LRP1B: variants seen among roughly 807,000 people sequenced by gnomAD.
LRP1B encodes low-density lipoprotein receptor-related protein 1B.
A neutral mutation model predicts 556.6 loss-of-function variants in LRP1B; 217 were observed. The observed-to-expected ratio is 0.39, with a 90% CI of 0.35 to 0.44. LRP1B has a LOEUF of 0.44. LRP1B is among the 20% of genes least tolerant of loss of function. The pLI is 1.00. For missense variants in LRP1B, 5,053 were observed against 5,620.8 expected (o/e 0.90, Z 3.23); for synonymous variants, 2,047 against 1,865.8 (o/e 1.10, Z -2.50).
At chr2:142,024,012 A>G (rs1039157898) in intron 1 of LRP1B, among the ~76,000 whole-genome samples, 1 of 152,304 alleles carries the variant, frequency 6.6e-6, no homozygotes, top group African/African-American at 2.4e-5. Flanking sequence ...CCACACAATT[A>G]GTTGAATATT....
At chr2:140,328,506 ATAT>A (rs1680617536) in intron 79 of LRP1B, among the ~76,000 whole-genome samples, 1 of 151,962 alleles carries the variant, frequency 6.6e-6, no homozygotes, top group Non-Finnish European at 1.5e-5. Context: ...AGAAAACAAA[ATAT>A]TATGTGAAAT....
intron 2 of LRP1B, among the ~76,000 whole-genome samples, chr2:141,668,609 T>A (rs1379879398): frequency 1.3e-5 from 2 of 152,086 alleles, no homozygotes; most frequent in Non-Finnish European, 2.9e-5. Flanking sequence ...CACTCTATCC[T>A]CTTTCCAGCT....
chr2:140,469,198 G>C lies in LRP1B; in HGVS notation c.9625+5940C>G, dbSNP rs1404508247. ...CTAATACCCAGTATGACAGTACTAA[G>C]AGGCGGGCCTTTGGGAAGTGATTAA... On this transcript the variant is annotated intron_variant, in intron 60 of 90. Transcript: ENST00000389484. 5.3e-5 allele frequency among the ~76,000 whole-genome samples: 8 copies of C among 152,250 alleles called. No individual in the cohort carries two copies. The East Asian group carries it at 1.4e-3, about 26-fold the overall frequency.
In LRP1B at chr2:141,299,057, G is replaced by A. The variant is rs115995704; in HGVS notation, c.344-44416C>T. Among the ~76,000 whole-genome samples the A allele has an allele frequency of 9.5e-3, 1,442 of 151,884 alleles. 23 individuals carry two copies. Among genetic ancestry groups the A allele is most frequent in the African/African-American group, 0.034 (1,392 of 41,404 alleles). The stretch of plus-strand genomic sequence containing the variant: ...AGTCCATATAGTAAATTATTGACAT[G>A]GGAACTGCTTTGGAAAACTACCCCC... On this transcript the variant is annotated intron_variant, in intron 3 of 90. Coordinates refer to ENST00000389484, the MANE Select transcript of LRP1B (RefSeq NM_018557.3).
Position 141,570,673 on chromosome 2 carries a change from C to T in LRP1B, c.206-90140G>A, listed in dbSNP as rs558117870. Among the ~76,000 whole-genome samples, 11 of 151,324 alleles carry T rather than the reference C, an allele frequency of 7.3e-5. 1 individual carries two copies. Among genetic ancestry groups the T allele is most frequent in the Admixed American group, 1.3e-4 (2 of 15,196 alleles). On this transcript the variant is annotated intron_variant, in intron 2 of 90. Coordinates refer to ENST00000389484, the MANE Select transcript of LRP1B (RefSeq NM_018557.3). ...CTAAGCTCCCCGGTTGGGGGAAGGGCGGCATCCATCTCTATAGCTTCAGGC... is the reference window on the plus strand; with the variant it reads ...CTAAGCTCCCCGGTTGGGGGAAGGGTGGCATCCATCTCTATAGCTTCAGGC...
intron 2 of LRP1B, among the ~76,000 whole-genome samples, chr2:141,633,708 C>T (rs2105352646): frequency 6.6e-6 from 1 of 152,068 alleles, no homozygotes; most frequent in South Asian, 2.1e-4. Context: ...ACATCCATTT[C>T]CAGAACTTTT....
Position 141,666,649 on chromosome 2 carries a change from C to G in LRP1B, c.205+143630G>C, listed in dbSNP as rs544204293. ...CTGGTCTCAGGGAATGGTCCAGATACAAGTCTGTAACCCAACCAGATCCTT... is the reference window on the plus strand; with the variant it reads ...CTGGTCTCAGGGAATGGTCCAGATAGAAGTCTGTAACCCAACCAGATCCTT... On this transcript the variant is annotated intron_variant, in intron 2 of 90. Transcript: ENST00000389484. 2.0e-5 allele frequency among the ~76,000 whole-genome samples: 3 copies of G among 152,284 alleles called. No homozygotes were observed. In the East Asian group the frequency reaches 5.8e-4, roughly 29 times the overall value.
rs557426349 is a variant in LRP1B at position 140,452,082 on chromosome 2, C to T, written c.9964-1421G>A. Among the ~76,000 whole-genome samples, 10 of 152,160 alleles carry T rather than the reference C, an allele frequency of 6.6e-5. No homozygotes were observed. In the Middle Eastern group the frequency reaches 0.021, roughly 313 times the overall value. ...ATTTACTTACAGGCTATTTAGCACA[C>T]AAGTGACTTGATACTGGAGACAAAC... On this transcript the variant is annotated intron_variant, in intron 62 of 90. Transcript: ENST00000389484.
intron 7 of LRP1B, among the ~76,000 whole-genome samples, chr2:141,176,098 T>C (rs955903329): frequency 2.8e-4 from 42 of 152,112 alleles, no homozygotes; most frequent in African/African-American, 9.6e-4. Context: ...AACGAATTTG[T>C]TTTTATTTTA....
At chr2:140,551,422 CTGGG>C (rs1171497055) in intron 43 of LRP1B, among the ~76,000 whole-genome samples, 7 of 152,140 alleles carry the variant, frequency 4.6e-5, no homozygotes, top group Admixed American at 1.3e-4. Flanking sequence ...GCATGAAGTG[CTGGG>C]AAACTGAACA....
At chr2:141,323,013 T>C (rs1687300521) in intron 3 of LRP1B, among the ~76,000 whole-genome samples, 1 of 152,074 alleles carries the variant, frequency 6.6e-6, no homozygotes, top group Admixed American at 6.6e-5. Flanking sequence ...CAGCAAGTCA[T>C]AAAGAAGATT....
At chr2:141,482,095 G>T (rs186186629) in intron 2 of LRP1B, among the ~76,000 whole-genome samples, 284 of 152,126 alleles carry the variant, frequency 1.9e-3, no homozygotes, top group Non-Finnish European at 3.2e-3. Flanking sequence ...GCAAAATTGT[G>T]AGAATTGCAG....
intron 43 of LRP1B, among the ~76,000 whole-genome samples, chr2:140,547,271 A>G (rs1214748147): frequency 6.6e-6 from 1 of 152,034 alleles, no homozygotes; most frequent in Non-Finnish European, 1.5e-5. Flanking sequence ...TTGGCTGTGA[A>G]TCATCTGGTC....
Position 140,695,477 on chromosome 2 carries a change from TC to T in LRP1B, c.6799+4772del, listed in dbSNP as rs143246963. Among the ~76,000 whole-genome samples, 1,099 of 152,238 alleles carry T rather than the reference TC, an allele frequency of 7.2e-3. 13 individuals are homozygous for T. The highest frequency in any genetic ancestry group is 0.025 in the African/African-American group (1,031 of 41,536). Reference sequence around the variant, plus strand: ...TCCCCAGTCCTTGGATTAAGTAAATTCTTTTTAGATGCTGTCTCTCTGTAGC... The same window carrying T: ...TCCCCAGTCCTTGGATTAAGTAAATTTTTTTAGATGCTGTCTCTCTGTAGC... On this transcript the variant is annotated intron_variant, in intron 41 of 90. Coordinates refer to ENST00000389484, the MANE Select transcript of LRP1B (RefSeq NM_018557.3).
At chr2:141,827,017 G>C (rs986671953) in intron 1 of LRP1B, among the ~76,000 whole-genome samples, 2 of 152,198 alleles carry the variant, frequency 1.3e-5, no homozygotes, top group Non-Finnish European at 2.9e-5. Flanking sequence ...CAATTGATGA[G>C]AGATGCTAGG....
rs148408095 is a variant in LRP1B, at chr2:142,084,042, C to T, written c.82+46606G>A. On this transcript the variant is annotated intron_variant, in intron 1 of 90. Transcript: ENST00000389484. ...TCTCCCAGGCTGGAGTGCAGTGGTG[C>T]GATCTTGGCTCGCTGCAACCTCCGC... 6.8e-3 allele frequency among the ~76,000 whole-genome samples: 1,021 copies of T among 149,256 alleles called. 10 individuals are homozygous for T. Among genetic ancestry groups the T allele is most frequent in the African/African-American group, 0.024 (971 of 40,544 alleles).
At chr2:141,589,720 G>C (rs1473957888) in intron 2 of LRP1B, among the ~76,000 whole-genome samples, 2 of 152,246 alleles carry the variant, frequency 1.3e-5, no homozygotes, top group South Asian at 2.1e-4. Context: ...TTTAAATCCT[G>C]CTTCTCAGCT....
At chr2:140,315,128 G>A (rs746714331) in intron 82 of LRP1B, 29 bp from the exon 83 acceptor site, 3 of 1,495,092 alleles carry the variant, frequency 2.0e-6, no homozygotes, top group Admixed American at 3.7e-5. Context: ...GTACAAATTA[G>A]CATGTTTTCA....
chr2:142,128,803 T>G (rs894464281), intron 1 of LRP1B, among the ~76,000 whole-genome samples: 9 of 152,208 alleles, frequency 5.9e-5, no homozygotes, highest in African/African-American at 2.2e-4. Context: ...TAGATGTTCC[T>G]CTCCCTCATG....
Sources: gnomAD v4.1 joint callset for allele counts (sites outside exome capture counted in the v4.1 genomes callset) on GRCh38, gnomAD v4.1.1 for gene constraint, MANE v1.5 for transcripts, NCBI Gene and HGNC (gene_info 2026-07-23, HGNC 2026-07-21) for gene names.